Variants in RTKN2 observed in about 807,000 individuals in gnomAD.
RTKN2 encodes rhotekin 2.
In RTKN2, 69 loss-of-function variants were observed where a neutral mutation model predicts 71.5. The observed-to-expected ratio is 0.96, with a 90% CI of 0.79 to 1.18. RTKN2 has a LOEUF of 1.18. Among genes scored for constraint, RTKN2 ranks in the 50% most tolerant of loss-of-function variants. The pLI is 0.00. For missense variants in RTKN2, 724 were observed against 719.7 expected (o/e 1.01, Z -0.07); for synonymous variants, 236 against 236.5 (o/e 1.00, Z 0.02).
chr10:62,223,159 T>C (rs1841945078), intron 7 of RTKN2, 79 bp downstream of exon 7: 2 of 743,220 alleles, frequency 2.7e-6, no homozygotes, highest in Non-Finnish European at 4.5e-6. Flanking sequence ...TTTAAGCCGA[T>C]ATCCACTTGA....
rs1842727058 is a variant in RTKN2, at chr10:62,259,128, C to G, written c.257+3497G>C. The G allele has an allele frequency of 1.8e-4, 77 of 434,572 alleles. 2 individuals carry two copies. Among genetic ancestry groups the G allele is most frequent in the South Asian group, 1.2e-3 (75 of 60,070 alleles). 26.9% of individuals were successfully genotyped at this position (434,572 alleles called of 1,614,324 possible). A position where few individuals can be genotyped will look rare whatever the true frequency, so the allele number is the denominator to read the frequency against. On this transcript the variant is annotated intron_variant, in intron 2 of 11. Transcript: ENST00000373789. ...TGATAGTGAGTAAGTCTCCCAAGAT[C>G]TGATGGTTTTATAAAGGGCAGTTCC...
At chr10:62,210,111 A>T (rs2132850662) in intron 9 of RTKN2, among the ~76,000 whole-genome samples, 1 of 152,240 alleles carries the variant, frequency 6.6e-6, no homozygotes, top group East Asian at 1.9e-4. Context: ...TTCTAAAGAG[A>T]CTTAAAAGAC....
intron 1 of RTKN2, among the ~76,000 whole-genome samples, chr10:62,265,705 G>A (rs923872975): frequency 6.6e-5 from 10 of 152,076 alleles, no homozygotes. Flanking sequence ...CTCTAGCAAG[G>A]AAGGGTTTAT....
In RTKN2 at chr10:62,218,235, C is replaced by G. The variant is rs1841820214; in HGVS notation, c.848G>C (p.Cys283Ser). 6 of 1,613,288 alleles carry G rather than the reference C, an allele frequency of 3.7e-6. No individual in the cohort carries two copies. The highest frequency in any genetic ancestry group is 5.1e-6 in the Non-Finnish European group (6 of 1,179,580). ...TCCTGCAAATGCATCCTCAGCCATA[C>G]AAGCTGGCTGGGCAACTAGTCGGCA... is the stretch of plus-strand genomic sequence containing the variant. ...MCCRLVAQPA[C>S]MAEDAFAGFL... Residue 283 changes from cysteine (C) to serine (S), a missense_variant, in exon 8 of 12, where the codon TGT (cysteine) becomes TCT (serine). Cys to Ser is a moderately radical substitution (Grantham distance 112, BLOSUM62 -1). Transcript: ENST00000373789.
At position 62,187,828 on chromosome 10, in the gene RTKN2, C is replaced by T. The variant is rs565969652; in HGVS notation, c.862-3441G>A. The stretch of plus-strand genomic sequence containing the variant: ...TCCCCAATACTATCTGTAGCTATCC[C>T]TGCCCCAACTACTCAGAGAGAATCT... On this transcript the variant is annotated intron_variant, in intron 8 of 8. Coordinates refer to the RTKN2 transcript ENST00000315289. 5.9e-5 allele frequency among the ~76,000 whole-genome samples: 9 copies of T among 152,290 alleles called. No homozygotes were observed. In the South Asian group the frequency reaches 1.9e-3, roughly 32 times the overall value.
In RTKN2 at chr10:62,193,345, T is replaced by C. The variant is rs576173787; in HGVS notation, c.*4563A>G. On this transcript the variant is annotated 3_prime_UTR_variant, in exon 12 of 12. Coordinates refer to ENST00000373789, the MANE Select transcript of RTKN2 (RefSeq NM_145307.4). ...AAACTGCTGGAATTTAAAACACAAT[T>C]TTCCATAAGATCTGGAATGATCTTT... The C allele has an allele frequency of 2.4e-4, 237 of 980,992 alleles. No individual in the cohort carries two copies. The highest frequency in any genetic ancestry group is 2.7e-4 in the Non-Finnish European group (226 of 825,944). 60.8% of individuals were successfully genotyped at this position (980,992 alleles called of 1,614,324 possible).
intron 6 of RTKN2, among the ~76,000 whole-genome samples, chr10:62,223,834 C>A (rs537060718): frequency 6.6e-6 from 1 of 152,076 alleles, no homozygotes; most frequent in Non-Finnish European, 1.5e-5. Flanking sequence ...CCCAAAAGAA[C>A]TGAGAGCAGA....
chr10:62,196,677 T>C lies in RTKN2; in HGVS notation c.*1231A>G, dbSNP rs545527188. On this transcript the variant is annotated 3_prime_UTR_variant, in exon 12 of 12. Coordinates refer to ENST00000373789, the MANE Select transcript of RTKN2 (RefSeq NM_145307.4). ...ATTCTTAAATTTTTATTTCTTGCAA[T>C]GACATTTAGGGTTCAGTGTGATTTG... The C allele has an allele frequency of 1.5e-5, 15 of 984,952 alleles. No individual in the cohort carries two copies. In the African/African-American group the frequency reaches 1.7e-4, roughly 11 times the overall value. 61.0% of individuals were successfully genotyped at this position (984,952 alleles called of 1,614,324 possible). A position where few individuals can be genotyped will look rare whatever the true frequency, so the allele number is the denominator to read the frequency against.
chr10:62,254,194 C>T (rs1842632430), intron 2 of RTKN2, among the ~76,000 whole-genome samples: 1 of 152,192 alleles, frequency 6.6e-6, no homozygotes, highest in East Asian at 1.9e-4. Flanking sequence ...TTGTAATCCC[C>T]AGTGCTGGGG....
chr10:62,231,484 A>G (rs1254792130), intron 6 of RTKN2, among the ~76,000 whole-genome samples: 2 of 152,210 alleles, frequency 1.3e-5, no homozygotes, highest in Non-Finnish European at 2.9e-5. Flanking sequence ...AAACATGACT[A>G]ACTACAATGC....
chr10:62,205,356 A>C lies in RTKN2; in HGVS notation c.1021-334T>G, dbSNP rs188366959. Reference sequence around the variant, plus strand: ...TTTACTGTCTTTTATATACATCTTAAAATTTCCAATAAAACAAGTACAGCA... The same window carrying C: ...TTTACTGTCTTTTATATACATCTTACAATTTCCAATAAAACAAGTACAGCA... On this transcript the variant is annotated intron_variant, in intron 9 of 11. Coordinates refer to ENST00000373789, the MANE Select transcript of RTKN2 (RefSeq NM_145307.4). 1.7e-3 allele frequency among the ~76,000 whole-genome samples: 256 copies of C among 152,282 alleles called. 1 individual carries two copies. Among genetic ancestry groups the C allele is most frequent in the Admixed American group, 5.2e-3 (80 of 15,292 alleles).
intron 6 of RTKN2, among the ~76,000 whole-genome samples, chr10:62,223,983 C>T (rs1841965869): frequency 6.7e-6 from 1 of 149,908 alleles, no homozygotes; most frequent in African/African-American, 2.5e-5. Context: ...TATATATACA[C>T]ATACATATGC....
chr10:62,205,084 T>C (rs1841523143), intron 9 of RTKN2, 62 bp from the exon 10 acceptor site: 4 of 1,293,296 alleles, frequency 3.1e-6, no homozygotes, highest in African/African-American at 1.5e-5. Flanking sequence ...ATCAAACAAA[T>C]GTTTTATTGC....
chr10:62,194,239 A>G lies in RTKN2; in HGVS notation c.*3669T>C. Reference sequence around the variant, plus strand: ...CTTGTCTTTTAAAAACCCAAAGGTAACATCTTTCCCAGAGTTAACTAAGAA... The same window carrying G: ...CTTGTCTTTTAAAAACCCAAAGGTAGCATCTTTCCCAGAGTTAACTAAGAA... On this transcript the variant is annotated 3_prime_UTR_variant, in exon 12 of 12. Transcript: ENST00000373789. 1 of 985,150 alleles carries G rather than the reference A, an allele frequency of 1.0e-6. No individual in the cohort carries two copies. The highest frequency in any genetic ancestry group is 1.2e-6 in the Non-Finnish European group (1 of 829,662). The allele number at this position is 985,150 out of a possible 1,614,324, so 61.0% of individuals were successfully genotyped here.
rs1361791807 is a variant in RTKN2 at position 62,198,272 on chromosome 10, G to A, written c.1466C>T (p.Pro489Leu). 6.2e-7 allele frequency: 1 copy of A among 1,613,918 alleles called. No individual in the cohort carries two copies. The highest frequency in any genetic ancestry group is 1.3e-5 in the African/African-American group (1 of 74,990). ...TTCATCATGTAATGGCTCACTTGCA[G>A]GATACAGTACCTTTTTCTGGATGAC... Reference protein sequence around the residue: ...QMVIQKKVLYPASEPLHDEKG... With the variant: ...QMVIQKKVLYLASEPLHDEKG... Residue 489 changes from proline (P) to leucine (L), a missense_variant, in exon 12 of 12, where the codon CCT becomes CTT. Transcript: ENST00000373789.
At chr10:62,252,511 T>C (rs922245145) in intron 2 of RTKN2, among the ~76,000 whole-genome samples, 1 of 152,090 alleles carries the variant, frequency 6.6e-6, no homozygotes, top group Admixed American at 6.5e-5. Flanking sequence ...ATTATACCTA[T>C]TTAATTGCAT....
chr10:62,207,925 C>T (rs1215255302), intron 9 of RTKN2, among the ~76,000 whole-genome samples: 1 of 152,102 alleles, frequency 6.6e-6, no homozygotes, highest in Non-Finnish European at 1.5e-5. Flanking sequence ...CTCAAAACTT[C>T]AATTACCTAG....
intron 1 of RTKN2, among the ~76,000 whole-genome samples, chr10:62,266,460 A>G (rs953055870): frequency 3.9e-5 from 6 of 152,200 alleles, no homozygotes; most frequent in Non-Finnish European, 8.8e-5. Context: ...TCATTTTGCT[A>G]AAAGAAACTG....
At chr10:62,238,790 G>A (rs1564518790) in intron 5 of RTKN2, 3 of 151,886 alleles carry the variant, frequency 2.0e-5, no homozygotes, top group Non-Finnish European at 4.4e-5. Flanking sequence ...TTAATGTTAT[G>A]TGAGTGGCAA....
Sources: allele counts gnomAD v4.1 joint callset (sites outside exome capture counted in the v4.1 genomes callset), GRCh38; gene constraint gnomAD v4.1.1; transcripts MANE v1.5; gene names NCBI Gene and HGNC (gene_info 2026-07-23, HGNC 2026-07-21).